Variants in INSL6 observed in about 807,000 individuals in gnomAD.
The protein encoded by INSL6 is insulin-like peptide INSL6.
A neutral mutation model predicts 9.4 loss-of-function variants in INSL6; 16 were observed. That is an observed-to-expected ratio of 1.70 (90% CI 1.15 to 2.59). The LOEUF is 2.59. INSL6 is among the 30% of genes most tolerant of loss of function. The pLI, the probability that INSL6 is intolerant of heterozygous loss-of-function variation, is 0.00. For synonymous variants in INSL6, 154 were observed against 96.9 expected (o/e 1.59, Z -3.46); for missense variants, 391 against 257.3 (o/e 1.52, Z -3.56).
the INSL6 span, among the ~76,000 whole-genome samples, chr9:5,035,218 C>A: frequency 1.0e-3 from 155 of 152,216 alleles, no homozygotes; most frequent in African/African-American, 3.3e-3. Context: ...CAATAACAGG[C>A]TCTGAAATTG....
chr9:5,147,967 CT>C (rs1448268566), intron 2 of INSL6, among the ~76,000 whole-genome samples: 1 of 152,110 alleles, frequency 6.6e-6, no homozygotes, highest in African/African-American at 2.4e-5. Context: ...CCTTGGCTTC[CT>C]TGGATTTTCA....
At chr9:5,115,866 A>G in the INSL6 span, among the ~76,000 whole-genome samples, 1 of 152,082 alleles carries the variant, frequency 6.6e-6, no homozygotes, top group Admixed American at 6.5e-5. Flanking sequence ...ATGACAACAT[A>G]TGGACACAGG....
At chr9:5,111,168 C>G in the INSL6 span, 5 of 748,338 alleles carry the variant, frequency 6.7e-6, no homozygotes, top group African/African-American at 8.8e-5. Flanking sequence ...AGTCGCACGG[C>G]AGCCACTCTC....
At chr9:5,046,932 A>G in the INSL6 span, among the ~76,000 whole-genome samples, 1 of 152,184 alleles carries the variant, frequency 6.6e-6, no homozygotes, top group Non-Finnish European at 1.5e-5. Flanking sequence ...CTATTCATTC[A>G]GCTACTTTAG....
the INSL6 span, among the ~76,000 whole-genome samples, chr9:5,002,091 G>A: frequency 6.6e-6 from 1 of 151,786 alleles, no homozygotes; most frequent in Non-Finnish European, 1.5e-5. Flanking sequence ...GATCATCTTA[G>A]AGGTTTATCA....
the INSL6 span, among the ~76,000 whole-genome samples, chr9:5,103,871 A>G: frequency 6.1e-3 from 934 of 152,362 alleles, 8 homozygotes; most frequent in African/African-American, 0.02. Flanking sequence ...GAAACCAACG[A>G]GAACAAAGAC....
the INSL6 span, among the ~76,000 whole-genome samples, chr9:5,032,685 C>A: frequency 1.3e-5 from 2 of 152,284 alleles, no homozygotes; most frequent in African/African-American, 2.4e-5. Flanking sequence ...AGCAGAGGGT[C>A]CTGACTGTCA....
chr9:5,026,449 TTTAAA>T, the INSL6 span, among the ~76,000 whole-genome samples: 5 of 152,232 alleles, frequency 3.3e-5, no homozygotes, highest in East Asian at 7.7e-4. Context: ...GTGTTAATAA[TTTAAA>T]TTAAGAATTT....
intron 2 of INSL6, among the ~76,000 whole-genome samples, chr9:5,158,612 G>A (rs997075607): frequency 1.3e-5 from 2 of 151,928 alleles, no homozygotes; most frequent in Non-Finnish European, 2.9e-5. Context: ...AAAATCTTTT[G>A]CCCTACAAGA....
At chr9:5,062,143 C>T in the INSL6 span, among the ~76,000 whole-genome samples, 3 of 151,850 alleles carry the variant, frequency 2.0e-5, no homozygotes, top group African/African-American at 7.3e-5. Context: ...TTTTTTTCAG[C>T]CAAACATGGA....
chr9:5,027,813 T>TA, the INSL6 span, among the ~76,000 whole-genome samples: 7 of 152,292 alleles, frequency 4.6e-5, no homozygotes, highest in African/African-American at 1.7e-4. Flanking sequence ...AGCAATTCCT[T>TA]ATATGTCCAA....
intron 1 of INSL6, among the ~76,000 whole-genome samples, chr9:5,170,743 C>T (rs769794218): frequency 9.9e-5 from 15 of 151,918 alleles, no homozygotes; most frequent in Admixed American, 4.6e-4. Flanking sequence ...AATCTAGACA[C>T]AATGGATAAA....
At chr9:5,085,239 ACCAG>A in the INSL6 span, 9 of 672,478 alleles carry the variant, frequency 1.3e-5, no homozygotes, top group South Asian at 5.5e-5. Context: ...ATAGGACAGG[ACCAG>A]TGGCTAACCT....
At chr9:5,135,225 T>G (rs1426039730) in intron 2 of INSL6, among the ~76,000 whole-genome samples, 1 of 151,990 alleles carries the variant, frequency 6.6e-6, no homozygotes, top group African/African-American at 2.4e-5. Context: ...CACTCCCACA[T>G]AATAACAGTG....
the INSL6 span, among the ~76,000 whole-genome samples, chr9:5,046,608 CT>C: frequency 2.0e-5 from 3 of 152,128 alleles, no homozygotes; most frequent in Admixed American, 2.0e-4. Context: ...ACTTCTTTTG[CT>C]TGTGAATATC....
the INSL6 span, among the ~76,000 whole-genome samples, chr9:5,038,023 C>A: frequency 6.6e-6 from 1 of 152,114 alleles, no homozygotes; most frequent in Non-Finnish European, 1.5e-5. Flanking sequence ...AACGAGATTG[C>A]TTGCTTTAGC....
the INSL6 span, among the ~76,000 whole-genome samples, chr9:5,007,871 G>A: frequency 1.3e-5 from 2 of 151,962 alleles, no homozygotes; most frequent in African/African-American, 4.8e-5. Context: ...GGGATTACAG[G>A]CACGTGCCAC....
intron 2 of INSL6, among the ~76,000 whole-genome samples, chr9:5,153,685 G>C (rs922122447): frequency 1.2e-4 from 18 of 151,924 alleles, no homozygotes; most frequent in Admixed American, 3.3e-4. Flanking sequence ...ACCAATAACA[G>C]ACAGAGAGCC....
At chr9:5,142,534 T>C (rs1433923559) in intron 2 of INSL6, among the ~76,000 whole-genome samples, 1 of 152,224 alleles carries the variant, frequency 6.6e-6, no homozygotes, top group Non-Finnish European at 1.5e-5. Flanking sequence ...ATGCTAGTGA[T>C]GTTCTGCAAA....
Sources: gnomAD v4.1 joint callset for allele counts (sites outside exome capture counted in the v4.1 genomes callset) on GRCh38, gnomAD v4.1.1 for gene constraint, MANE v1.5 for transcripts, NCBI Gene and HGNC (gene_info 2026-07-23, HGNC 2026-07-21) for gene names.